CDH19: variants seen among roughly 807,000 people sequenced by gnomAD.
The protein encoded by CDH19 is cadherin 19.
A neutral mutation model predicts 64.2 loss-of-function variants in CDH19; 67 were observed. That is an observed-to-expected ratio of 1.04 (90% CI 0.86 to 1.28). The LOEUF is 1.28. Ranked by LOEUF, CDH19 falls within the 50% of genes most tolerant of loss-of-function variation. The pLI is 0.00. For synonymous variants in CDH19, 346 were observed against 319.3 expected (o/e 1.08, Z -0.89); for missense variants, 1,030 against 929.0 (o/e 1.11, Z -1.41).
At chr18:66,596,720 C>T (rs895741856) in intron 1 of CDH19, among the ~76,000 whole-genome samples, 2 of 151,998 alleles carry the variant, frequency 1.3e-5, no homozygotes, top group Non-Finnish European at 2.9e-5. Flanking sequence ...TGACCATAAT[C>T]CTCAAGGAAT....
chr18:66,551,302 T>C, intron 4 of CDH19, 44 bp from the exon 5 acceptor site: 1 of 1,050,504 alleles, frequency 9.5e-7, no homozygotes, highest in Non-Finnish European at 1.5e-6. Flanking sequence ...TTATTAATCA[T>C]GACAAAGTTC....
intron 1 of CDH19, among the ~76,000 whole-genome samples, chr18:66,577,472 T>C (rs1988299362): frequency 6.6e-6 from 1 of 151,944 alleles, no homozygotes; most frequent in African/African-American, 2.4e-5. Flanking sequence ...GGTGAATCAA[T>C]GGAGAAATAA....
At chr18:66,580,858 T>C (rs913421713) in intron 1 of CDH19, among the ~76,000 whole-genome samples, 3 of 152,116 alleles carry the variant, frequency 2.0e-5, no homozygotes, top group African/African-American at 7.2e-5. Context: ...ATTCCAAACT[T>C]TCTATAATGG....
At chr18:66,573,107 G>C (rs1269929488) in intron 1 of CDH19, among the ~76,000 whole-genome samples, 3 of 151,488 alleles carry the variant, frequency 2.0e-5, no homozygotes, top group Non-Finnish European at 3.0e-5. Context: ...TTGACCCAAG[G>C]CTCTCTCTTC....
chr18:66,527,103 A>C (rs1986253395), intron 9 of CDH19, among the ~76,000 whole-genome samples: 1 of 150,630 alleles, frequency 6.6e-6, no homozygotes, highest in African/African-American at 2.4e-5. Context: ...GGCAAGCTTA[A>C]ATATTGAATG....
chr18:66,555,988 T>G (rs1460524333), intron 3 of CDH19, among the ~76,000 whole-genome samples: 1 of 151,702 alleles, frequency 6.6e-6, no homozygotes, highest in Non-Finnish European at 1.5e-5. Flanking sequence ...TTTAGTAATA[T>G]CAGTCTTTAG....
intron 6 of CDH19, 28 bp from the exon 7 acceptor site, chr18:66,544,252 G>T (rs1373377293): frequency 1.9e-6 from 3 of 1,587,354 alleles, no homozygotes; most frequent in African/African-American, 1.4e-5. Flanking sequence ...ATACACAAAA[G>T]AAATGGCTTT....
intron 3 of CDH19, among the ~76,000 whole-genome samples, chr18:66,566,346 T>C (rs1189245826): frequency 2.0e-5 from 3 of 150,630 alleles, no homozygotes; most frequent in Non-Finnish European, 4.4e-5. Context: ...CTTCAAATAA[T>C]ATTATTCTCT....
At chr18:66,559,615 C>A (rs914882330) in intron 3 of CDH19, among the ~76,000 whole-genome samples, 3 of 151,296 alleles carry the variant, frequency 2.0e-5, no homozygotes, top group African/African-American at 7.3e-5. Context: ...ACATTAAATT[C>A]ATAAATTTAG....
At position 66,504,998 on chromosome 18, in the gene CDH19, A is replaced by C. The variant is rs781034555; in HGVS notation, c.2133T>G (p.Cys711Trp). Residue 711 changes from cysteine to tryptophan, a missense_variant, in exon 12 of 12, where the codon TGT becomes TGG. Transcript: ENST00000262150. Reference sequence around the variant, plus strand: ...TCTGGAGGGAATCAAAAGGAGGGGCACACGGATCAGTATTAGCTTCTTCGA... The same window carrying C: ...TCTGGAGGGAATCAAAAGGAGGGGCCCACGGATCAGTATTAGCTTCTTCGA... ...EKLEEANTDP[C>W]APPFDSLQTY... 17 of 1,613,514 alleles carry C rather than the reference A, an allele frequency of 1.1e-5. No homozygotes were observed. The highest frequency in any genetic ancestry group is 1.4e-5 in the Non-Finnish European group (16 of 1,179,742).
At chr18:66,540,346 C>A (rs1254075091) in intron 7 of CDH19, among the ~76,000 whole-genome samples, 3 of 152,068 alleles carry the variant, frequency 2.0e-5, no homozygotes, top group African/African-American at 7.2e-5. Flanking sequence ...TGAAAGGAAA[C>A]TTCAATAACG....
intron 9 of CDH19, among the ~76,000 whole-genome samples, chr18:66,529,065 T>G (rs146693416): frequency 6.6e-6 from 1 of 152,026 alleles, no homozygotes; most frequent in Admixed American, 6.6e-5. Context: ...AATAACATTC[T>G]AACTTAAGTT....
intron 9 of CDH19, among the ~76,000 whole-genome samples, chr18:66,528,332 T>C (rs1208963830): frequency 6.6e-6 from 1 of 152,124 alleles, no homozygotes; most frequent in African/African-American, 2.4e-5. Context: ...CAAGTTCACG[T>C]TCATTCTGTT....
At chr18:66,516,706 A>G (rs190086293) in intron 9 of CDH19, among the ~76,000 whole-genome samples, 21 of 152,118 alleles carry the variant, frequency 1.4e-4, no homozygotes, top group Admixed American at 1.4e-3. Flanking sequence ...GTGCTGTGAG[A>G]TTGGATGAAG....
intron 5 of CDH19, among the ~76,000 whole-genome samples, chr18:66,549,802 A>T (rs573485067): frequency 6.6e-6 from 1 of 152,056 alleles, no homozygotes; most frequent in Non-Finnish European, 1.5e-5. Flanking sequence ...CACACACATT[A>T]ACAGATATTC....
At chr18:66,588,185 C>T (rs1411898982) in intron 1 of CDH19, among the ~76,000 whole-genome samples, 1 of 152,054 alleles carries the variant, frequency 6.6e-6, no homozygotes, top group Non-Finnish European at 1.5e-5. Flanking sequence ...CTACAAGGCC[C>T]CAGTCTGAGT....
At position 66,502,869 on chromosome 18, in the gene CDH19, G is replaced by C. The variant is rs1024095206; in HGVS notation, c.*1943C>G. On this transcript the variant is annotated 3_prime_UTR_variant, in exon 12 of 12. Coordinates refer to ENST00000262150, the MANE Select transcript of CDH19 (RefSeq NM_021153.4). ...TTCACTTCAAATCTGGTTTTCTCAAGCTTTTGTGAAATGATAATATTTGTG... is the reference window on the plus strand; with the variant it reads ...TTCACTTCAAATCTGGTTTTCTCAACCTTTTGTGAAATGATAATATTTGTG... The C allele has an allele frequency of 1.2e-4, 18 of 151,720 alleles. No homozygotes were observed. Among genetic ancestry groups the C allele is most frequent in the Non-Finnish European group, 2.2e-4 (15 of 67,846 alleles). 9.4% of individuals were successfully genotyped at this position (151,720 alleles called of 1,614,324 possible).
chr18:66,565,344 G>A (rs1050460244), intron 3 of CDH19, among the ~76,000 whole-genome samples: 2 of 151,928 alleles, frequency 1.3e-5, no homozygotes, highest in African/African-American at 4.8e-5. Flanking sequence ...TTTATCTCAT[G>A]ACATAATGAA....
At chr18:66,531,287 C>T (rs1172792817) in intron 8 of CDH19, among the ~76,000 whole-genome samples, 2 of 152,082 alleles carry the variant, frequency 1.3e-5, no homozygotes, top group African/African-American at 4.8e-5. Flanking sequence ...GAATAAATTA[C>T]AACTGAACTA....
Sources: allele counts gnomAD v4.1 joint callset (sites outside exome capture counted in the v4.1 genomes callset), GRCh38; gene constraint gnomAD v4.1.1; transcripts MANE v1.5; gene names NCBI Gene and HGNC (gene_info 2026-07-23, HGNC 2026-07-21).